The following ACOT11 variants were observed in gnomAD, a reference collection of about 807,000 sequenced individuals.
ACOT11 encodes the protein acyl-CoA thioesterase 11, also known as acyl-coenzyme A thioesterase 11.
In ACOT11, 69 loss-of-function variants were observed where a neutral mutation model predicts 77.5. That is an observed-to-expected ratio of 0.89 (90% CI 0.73 to 1.09). ACOT11 has a LOEUF of 1.09. Ranked by LOEUF, ACOT11 falls within the 50% of genes least tolerant of loss-of-function variation. The probability of loss-of-function intolerance (pLI) is 0.00; values close to 1 mark genes in which losing one functional copy is unlikely to be tolerated. For missense variants in ACOT11, 766 were observed against 813.7 expected (o/e 0.94, Z 0.71); for synonymous variants, 279 against 313.0 (o/e 0.89, Z 1.15).
intron 15 of ACOT11, among the ~76,000 whole-genome samples, chr1:54,617,825 G>A (rs1644189620): frequency 6.9e-6 from 1 of 144,476 alleles, no homozygotes; most frequent in Non-Finnish European, 1.5e-5. Flanking sequence ...CTGGGTTCAA[G>A]TGATTCTCCT....
Position 54,584,569 on chromosome 1 carries a change from C to T in ACOT11, c.34-86C>T. On this transcript the variant is annotated intron_variant, in intron 1 of 15. Coordinates refer to ENST00000343744, the MANE Select transcript of ACOT11 (RefSeq NM_147161.4). The surrounding 1 kb of genome is among the most constrained non-coding windows in gnomAD (Gnocchi z 6.3). ...CCCTAGGTACTCTCTCTCCCCCAGACCCTAAGTTCTCAGGGCTGGACAGAC... is the reference window on the plus strand; with the variant it reads ...CCCTAGGTACTCTCTCTCCCCCAGATCCTAAGTTCTCAGGGCTGGACAGAC... The T allele has an allele frequency of 7.6e-7, 1 of 1,319,724 alleles. No homozygotes were observed. 81.8% of individuals were successfully genotyped at this position (1,319,724 alleles called of 1,614,324 possible).
chr1:54,597,713 A>G (rs534116075), intron 7 of ACOT11: 2 of 410,930 alleles, frequency 4.9e-6, no homozygotes, highest in East Asian at 4.9e-5. Flanking sequence ...CAAGCCTTCT[A>G]GTATCTATGT....
intron 1 of ACOT11, among the ~76,000 whole-genome samples, chr1:54,553,078 A>C (rs1311775099): frequency 2.1e-5 from 3 of 142,790 alleles, no homozygotes; most frequent in Non-Finnish European, 3.1e-5. Flanking sequence ...CCACCCGCCT[A>C]GGCCTCCCAA....
rs1436105522 is a variant in ACOT11, at chr1:54,580,302, C to G, written c.34-4353C>G. On this transcript the variant is annotated intron_variant, in intron 1 of 15. Coordinates refer to ENST00000343744, the MANE Select transcript of ACOT11 (RefSeq NM_147161.4). ...TCAGGGCAGGTAGGTCTCCTTTGCA[C>G]CAGGCCTGTTGCTCCAGTTGGGGTC... 4.6e-5 allele frequency among the ~76,000 whole-genome samples: 7 copies of G among 152,176 alleles called. No individual in the cohort carries two copies. The East Asian group carries it at 9.6e-4, about 21-fold the overall frequency.
intron 1 of ACOT11, among the ~76,000 whole-genome samples, chr1:54,564,819 G>A (rs1297867918): frequency 6.6e-6 from 1 of 152,136 alleles, no homozygotes; most frequent in Non-Finnish European, 1.5e-5. Flanking sequence ...GCGGTGGGGG[G>A]TGATAATGGT....
At chr1:54,593,781 A>AC (rs1321989673) in intron 4 of ACOT11, among the ~76,000 whole-genome samples, 160 bp from the exon 5 acceptor site, 7 of 151,830 alleles carry the variant, frequency 4.6e-5, no homozygotes, top group African/African-American at 9.7e-5. Flanking sequence ...GCAGAGTCAA[A>AC]CCCCCCCTCA....
rs566093558 is a variant in ACOT11, at chr1:54,622,024, A to G, written c.1630-8710A>G. Among the ~76,000 whole-genome samples the G allele has an allele frequency of 2.0e-5, 3 of 152,340 alleles. No individual in the cohort carries two copies. The East Asian group carries it at 5.8e-4, about 29-fold the overall frequency. On this transcript the variant is annotated intron_variant, in intron 15 of 16. Coordinates refer to the ACOT11 transcript ENST00000371316. ...CACAGTGGCTCATGCCTGTAATCCC[A>G]GCACTTTGGGAGGCCAAGGTGGGCA...
chr1:54,562,249 C>T (rs1341338519), intron 1 of ACOT11, among the ~76,000 whole-genome samples: 20 of 112,050 alleles, frequency 1.8e-4, no homozygotes, highest in African/African-American at 2.9e-4. Flanking sequence ...CCGGACGGGG[C>T]GGCTGGCCAG....
downstream of ACOT11, chr1:54,610,628 A>G (rs1644108079): frequency 6.4e-7 from 1 of 1,565,024 alleles, no homozygotes; most frequent in Non-Finnish European, 8.7e-7. Context: ...CTAGGGTCCC[A>G]TAGGCCACAG....
chr1:54,622,103 G>A (rs1048936886), intron 15 of ACOT11, among the ~76,000 whole-genome samples: 18 of 143,890 alleles, frequency 1.3e-4, no homozygotes, highest in South Asian at 2.3e-4. Context: ...GTGAAACCCC[G>A]TCTCTAGTAA....
At chr1:54,624,029 G>T (rs1644256481) in intron 15 of ACOT11, among the ~76,000 whole-genome samples, 1 of 152,194 alleles carries the variant, frequency 6.6e-6, no homozygotes, top group African/African-American at 2.4e-5. Context: ...GTCCTGGCAT[G>T]CTGGCATGGG....
chr1:54,559,992 C>T (rs1025226470), intron 1 of ACOT11, among the ~76,000 whole-genome samples: 4 of 152,202 alleles, frequency 2.6e-5, no homozygotes, highest in African/African-American at 9.7e-5. Context: ...GGTCCTCTGC[C>T]AGCTCCCTGG....
At chr1:54,610,754 G>C, downstream of ACOT11, 20 of 984,352 alleles carry the variant, frequency 2.0e-5, no homozygotes, top group Non-Finnish European at 2.2e-5. Context: ...AAGCAAAGTT[G>C]CCAGGAGTGG....
chr1:54,607,928 C>T lies in ACOT11; in HGVS notation c.1503-14C>T, dbSNP rs1437102700. ...GGCTGACCCCTGTCCCCTTGCTACC[C>T]TTCCTTCACTCAGGGACCCCTATGT... On this transcript the variant is annotated splice_polypyrimidine_tract_variant and intron_variant, in intron 14 of 15. Coordinates refer to ENST00000343744, the MANE Select transcript of ACOT11 (RefSeq NM_147161.4). The surrounding 1 kb of genome is among the most constrained non-coding windows in gnomAD (Gnocchi z 4.5). 1 of 1,613,738 alleles carries T rather than the reference C, an allele frequency of 6.2e-7. No individual in the cohort carries two copies. Among genetic ancestry groups the T allele is most frequent in the Non-Finnish European group, 8.5e-7 (1 of 1,179,856 alleles).
At chr1:54,567,191 C>G (rs749879088) in intron 1 of ACOT11, among the ~76,000 whole-genome samples, 5 of 151,888 alleles carry the variant, frequency 3.3e-5, no homozygotes, top group Non-Finnish European at 7.4e-5. Context: ...CTACACTGAT[C>G]TCCCCAACTC....
chr1:54,581,058 T>G (rs1435369813), intron 1 of ACOT11, among the ~76,000 whole-genome samples: 1 of 152,114 alleles, frequency 6.6e-6, no homozygotes, highest in Admixed American at 6.6e-5. Context: ...GCAGGGGAAG[T>G]GCCTGGTGAG....
chr1:54,579,409 G>A (rs560734549), intron 1 of ACOT11, among the ~76,000 whole-genome samples: 4 of 152,214 alleles, frequency 2.6e-5, no homozygotes, highest in Non-Finnish European at 4.4e-5. Flanking sequence ...GGCTGCCTCA[G>A]AGCCTTTTTT....
intron 1 of ACOT11, among the ~76,000 whole-genome samples, chr1:54,566,231 C>T (rs1433274553): frequency 3.9e-5 from 6 of 152,042 alleles, no homozygotes; most frequent in African/African-American, 1.2e-4. Flanking sequence ...CCGAGGCAGG[C>T]GGATCACTTG....
chr1:54,561,070 G>C (rs1569648320), intron 1 of ACOT11, among the ~76,000 whole-genome samples: 1 of 133,888 alleles, frequency 7.5e-6, no homozygotes. Context: ...CCAGCTGCTT[G>C]GCTGATTTTT....
Sources: gnomAD v4.1 joint callset for allele counts (sites outside exome capture counted in the v4.1 genomes callset) on GRCh38, gnomAD v4.1.1 for gene constraint, Gnocchi (gnomAD v3.1) non-coding constraint, MANE v1.5 for transcripts, NCBI Gene and HGNC (gene_info 2026-07-23, HGNC 2026-07-21) for gene names.